METAP1D: variants seen among roughly 807,000 people sequenced by gnomAD.
The protein encoded by METAP1D is methionine aminopeptidase 1D, mitochondrial.
METAP1D carries 31 observed loss-of-function variants against 40.5 expected under a neutral mutation model. The ratio of observed to expected loss-of-function variants is 0.77; its 90% CI spans 0.58 to 1.03. METAP1D has a LOEUF of 1.03. Among genes scored for constraint, METAP1D ranks in the 50% least tolerant of loss-of-function variants. METAP1D has a pLI of 0.00. For synonymous variants in METAP1D, 151 were observed against 146.4 expected, an observed-to-expected ratio of 1.03 and a Z score of -0.22; for missense variants, 411 against 420.7, an observed-to-expected ratio of 0.98 and a Z score of 0.20.
chr2:172,077,118 A>C (rs1369434558), intron 6 of METAP1D, among the ~76,000 whole-genome samples: 2 of 152,246 alleles, frequency 1.3e-5, no homozygotes, highest in East Asian at 1.9e-4. Context: ...TGGGAATCAC[A>C]ATACTAGCTT....
At chr2:172,034,815 C>T (rs909862942) in intron 1 of METAP1D, among the ~76,000 whole-genome samples, 12 of 151,990 alleles carry the variant, frequency 7.9e-5, no homozygotes, top group African/African-American at 2.2e-4. Context: ...AATTAAATGT[C>T]GTGTAGACAA....
At chr2:172,009,347 A>C (rs1214483281) in intron 1 of METAP1D, among the ~76,000 whole-genome samples, 1 of 151,852 alleles carries the variant, frequency 6.6e-6, no homozygotes, top group African/African-American at 2.4e-5. Flanking sequence ...CCGGCCTGGA[A>C]TTTTCTATTT....
At chr2:172,037,098 A>G (rs1689411377) in intron 1 of METAP1D, among the ~76,000 whole-genome samples, 1 of 152,138 alleles carries the variant, frequency 6.6e-6, no homozygotes, top group Non-Finnish European at 1.5e-5. Context: ...TGTCTCTACT[A>G]AAAATACAAA....
chr2:172,045,258 C>A (rs1456457477), intron 1 of METAP1D, among the ~76,000 whole-genome samples: 1 of 133,330 alleles, frequency 7.5e-6, no homozygotes, highest in African/African-American at 2.5e-5. Context: ...TTATATAAAG[C>A]AAAAAAATCA....
At chr2:172,071,134 G>T in intron 6 of METAP1D, 64 bp downstream of exon 6, 1 of 1,365,378 alleles carries the variant, frequency 7.3e-7, no homozygotes, top group Non-Finnish European at 9.6e-7. Context: ...TTGGTGGCTT[G>T]GTATAAAGTT....
At chr2:172,063,930 CT>C in intron 3 of METAP1D, 70 bp downstream of exon 3, 2 of 1,431,480 alleles carry the variant, frequency 1.4e-6, no homozygotes, top group Non-Finnish European at 1.8e-6. Context: ...TTTCCTTCTC[CT>C]TAACTCTTCT....
chr2:172,040,189 C>T (rs558852737), intron 1 of METAP1D, among the ~76,000 whole-genome samples: 149 of 152,160 alleles, frequency 9.8e-4, no homozygotes, highest in South Asian at 5.0e-3. Flanking sequence ...AACTCCTGAC[C>T]TCGTGATCCA....
At chr2:172,049,361 GTTTA>G (rs1382505691) in intron 1 of METAP1D, among the ~76,000 whole-genome samples, 4 of 149,522 alleles carry the variant, frequency 2.7e-5, no homozygotes, top group Non-Finnish European at 5.9e-5. Context: ...TTAAATAAAT[GTTTA>G]TTTATATTTA....
At chr2:172,020,640 C>G (rs1688985662) in intron 1 of METAP1D, among the ~76,000 whole-genome samples, 1 of 152,076 alleles carries the variant, frequency 6.6e-6, no homozygotes, top group African/African-American at 2.4e-5. Flanking sequence ...AACCCCCTAC[C>G]CTATAGGAGT....
intron 1 of METAP1D, among the ~76,000 whole-genome samples, chr2:172,005,401 G>T (rs1186260652): frequency 6.6e-6 from 1 of 151,088 alleles, no homozygotes; most frequent in African/African-American, 2.4e-5. Flanking sequence ...ACAGTATTTG[G>T]TTTTCTTTTC....
At chr2:172,065,980 C>T (rs1005259742) in intron 4 of METAP1D, among the ~76,000 whole-genome samples, 3 of 152,182 alleles carry the variant, frequency 2.0e-5, no homozygotes, top group Non-Finnish European at 2.9e-5. Context: ...TTGTGCATTA[C>T]GTATGTCTTT....
chr2:172,066,574 GT>G (rs1488591227), intron 5 of METAP1D, among the ~76,000 whole-genome samples: 2 of 152,226 alleles, frequency 1.3e-5, no homozygotes, highest in African/African-American at 4.8e-5. Flanking sequence ...TATGTGTCAT[GT>G]TTTTGAGAAG....
At chr2:172,043,560 TTTAAA>T (rs1386401714) in intron 1 of METAP1D, among the ~76,000 whole-genome samples, 6 of 135,036 alleles carry the variant, frequency 4.4e-5, no homozygotes, top group Admixed American at 1.5e-4. Flanking sequence ...ACTTAAGTTT[TTTAAA>T]GAAAAGTACG....
At chr2:172,041,230 G>A (rs967801602) in intron 1 of METAP1D, among the ~76,000 whole-genome samples, 2 of 152,050 alleles carry the variant, frequency 1.3e-5, no homozygotes, top group Non-Finnish European at 2.9e-5. Context: ...GGAGGACGAG[G>A]TGGGTGGACC....
chr2:172,042,149 G>GTA (rs1689548999), intron 1 of METAP1D, among the ~76,000 whole-genome samples: 1 of 117,540 alleles, frequency 8.5e-6, no homozygotes, highest in African/African-American at 2.8e-5. Context: ...ATATACATAT[G>GTA]TATGTGTACA....
chr2:172,010,220 A>G (rs1437380425), intron 1 of METAP1D, among the ~76,000 whole-genome samples: 1 of 149,504 alleles, frequency 6.7e-6, no homozygotes, highest in African/African-American at 2.5e-5. Context: ...AACTCACTGC[A>G]GCCTTGACCT....
At chr2:172,000,046 C>T (rs1042877407) in intron 1 of METAP1D, 37 bp downstream of exon 1, 3 of 1,276,646 alleles carry the variant, frequency 2.3e-6, no homozygotes, top group Non-Finnish European at 3.0e-6. Context: ...AGGGTTCGCA[C>T]GGTTGCTCAC....
intron 1 of METAP1D, among the ~76,000 whole-genome samples, chr2:172,058,710 TACTG>T (rs1690056001): frequency 6.6e-6 from 1 of 152,176 alleles, no homozygotes; most frequent in Non-Finnish European, 1.5e-5. Flanking sequence ...GAAATGATAT[TACTG>T]ACATTTTGTC....
At chr2:172,061,005 C>T (rs1352071724) in intron 1 of METAP1D, among the ~76,000 whole-genome samples, 1 of 152,190 alleles carries the variant, frequency 6.6e-6, no homozygotes, top group Non-Finnish European at 1.5e-5. Flanking sequence ...ACATTCATCA[C>T]AATGAATTTC....
Sources: allele counts gnomAD v4.1 joint callset (sites outside exome capture counted in the v4.1 genomes callset), GRCh38; gene constraint gnomAD v4.1.1; transcripts MANE v1.5; gene names NCBI Gene and HGNC (gene_info 2026-07-23, HGNC 2026-07-21).